The following YAF2 variants were observed in gnomAD, a reference collection of about 807,000 sequenced individuals.
YAF2 encodes the protein YY1-associated factor 2.
Under a neutral mutation model 20.1 loss-of-function variants are expected in YAF2, and 7 were observed. The ratio of observed to expected loss-of-function variants is 0.35; its 90% CI spans 0.20 to 0.65. The LOEUF is 0.65. Among genes scored for constraint, YAF2 ranks in the 30% least tolerant of loss-of-function variants. The pLI, the probability that YAF2 is intolerant of heterozygous loss-of-function variation, is 0.69. For missense variants in YAF2, 151 were observed against 219.2 expected (o/e 0.69, Z 1.96); for synonymous variants, 74 against 76.0 (o/e 0.97, Z 0.14).
chr12:42,198,249 G>A (rs1385195935), intron 2 of YAF2, among the ~76,000 whole-genome samples: 2 of 152,128 alleles, frequency 1.3e-5, no homozygotes, highest in African/African-American at 4.8e-5. Context: ...CCCTCATAGA[G>A]GATCTGCTTT....
At chr12:42,196,227 G>GA (rs34267272) in intron 2 of YAF2, among the ~76,000 whole-genome samples, 20,869 of 73,920 alleles carry the variant, frequency 0.28, 3,050 homozygotes, top group Non-Finnish European at 0.34. Flanking sequence ...AATCCATCTG[G>GA]AAAAAAAAAA....
In YAF2 at chr12:42,212,034, CAA is replaced by C. The variant is rs60172480; in HGVS notation, c.152+25563_152+25564del. 5.9e-5 allele frequency among the ~76,000 whole-genome samples: 8 copies of C among 136,260 alleles called. No homozygotes were observed. In the South Asian group the frequency reaches 1.4e-3, roughly 24 times the overall value. 89.4% of individuals were successfully genotyped at this position (136,260 alleles called of 152,430 possible). A position where few individuals can be genotyped will look rare whatever the true frequency, so the allele number is the denominator to read the frequency against. ...TGGGAGACACAGCAAGATTTCATCT[CAA>C]AAAAAAAAAAGTCTTTAACCATTTG... is the stretch of plus-strand genomic sequence containing the variant. On this transcript the variant is annotated intron_variant, in intron 2 of 3. Transcript: ENST00000534854.
intron 2 of YAF2, among the ~76,000 whole-genome samples, chr12:42,220,772 A>G (rs1379633073): frequency 6.6e-6 from 1 of 152,232 alleles, no homozygotes; most frequent in Non-Finnish European, 1.5e-5. Flanking sequence ...GAAATTGTTT[A>G]ATTCATATGT....
intron 2 of YAF2, chr12:42,198,994 T>A (rs1348857528): frequency 2.5e-6 from 1 of 407,042 alleles, no homozygotes; most frequent in Non-Finnish European, 4.3e-6. Context: ...TACAGTGCAA[T>A]TCTAAACTAG....
chr12:42,233,450 CATTG>C (rs2068041913), intron 2 of YAF2: 6 of 978,064 alleles, frequency 6.1e-6, no homozygotes, highest in East Asian at 1.1e-4. Context: ...AATCATCACA[CATTG>C]ATTATCACCC....
Position 42,165,661 on chromosome 12 carries a change from C to T in YAF2, c.153-3896G>A, listed in dbSNP as rs144498321. Among the ~76,000 whole-genome samples the T allele has an allele frequency of 7.3e-3, 1,105 of 150,400 alleles. 14 individuals are homozygous for T. Among genetic ancestry groups the T allele is most frequent in the African/African-American group, 0.025 (1,042 of 40,960 alleles). On this transcript the variant is annotated intron_variant, in intron 2 of 3. Coordinates refer to ENST00000534854, the MANE Select transcript of YAF2 (RefSeq NM_005748.6). ...TTTTATTTTTTATTTTTAATAGAGA[C>T]GGGGTTTCACTGTGTTAGCTAGGAT... is the stretch of plus-strand genomic sequence containing the variant.
chr12:42,175,187 T>C (rs1480983506), intron 2 of YAF2, among the ~76,000 whole-genome samples: 6 of 152,180 alleles, frequency 3.9e-5, no homozygotes, highest in African/African-American at 1.4e-4. Flanking sequence ...GGAATACTAC[T>C]CAGCAACACA....
At chr12:42,232,933 T>C (rs980176413) in intron 2 of YAF2, 2 of 985,308 alleles carry the variant, frequency 2.0e-6, no homozygotes, top group Non-Finnish European at 2.4e-6. Flanking sequence ...AAAGGAAAGA[T>C]CTACTAACAC....
chr12:42,179,894 C>G (rs2066299042), intron 2 of YAF2, among the ~76,000 whole-genome samples: 1 of 151,158 alleles, frequency 6.6e-6, no homozygotes, highest in South Asian at 2.1e-4. Flanking sequence ...TATGGATAGA[C>G]TGATAGTATA....
chr12:42,225,842 G>A lies in YAF2; in HGVS notation c.152+11757C>T, dbSNP rs187546351. On this transcript the variant is annotated intron_variant, in intron 2 of 3. Coordinates refer to ENST00000534854, the MANE Select transcript of YAF2 (RefSeq NM_005748.6). ...CTCCAGCTTTGTTCTTTTTCCTTAG[G>A]ACTGTTTTGGGTATACAGGCTCTTT... 1.3e-3 allele frequency among the ~76,000 whole-genome samples: 204 copies of A among 152,240 alleles called. 1 individual carries two copies. Among genetic ancestry groups the A allele is most frequent in the African/African-American group, 4.7e-3 (195 of 41,528 alleles).
At chr12:42,228,123 A>G (rs1592056372) in intron 2 of YAF2, among the ~76,000 whole-genome samples, 1 of 67,354 alleles carries the variant, frequency 1.5e-5, no homozygotes, top group Non-Finnish European at 2.7e-5. Flanking sequence ...CTGCCCGGCC[A>G]GCCGCCCCGT....
chr12:42,164,457 A>G (rs1456367268), intron 2 of YAF2, among the ~76,000 whole-genome samples: 2 of 152,158 alleles, frequency 1.3e-5, no homozygotes, highest in Non-Finnish European at 2.9e-5. Context: ...TGTGCTAAAT[A>G]TTAGAGGAAT....
intron 2 of YAF2, among the ~76,000 whole-genome samples, chr12:42,220,130 C>T (rs759739448): frequency 2.0e-4 from 30 of 152,064 alleles, no homozygotes; most frequent in Admixed American, 7.9e-4. Flanking sequence ...CCCATTCTTC[C>T]AATGAGAGAT....
At chr12:42,165,663 G>A (rs1022220474) in intron 2 of YAF2, among the ~76,000 whole-genome samples, 3 of 151,134 alleles carry the variant, frequency 2.0e-5, no homozygotes, top group Admixed American at 6.6e-5. Context: ...AATAGAGACG[G>A]GGTTTCACTG....
At chr12:42,209,185 C>T (rs1455913993) in intron 2 of YAF2, among the ~76,000 whole-genome samples, 2 of 151,784 alleles carry the variant, frequency 1.3e-5, no homozygotes, top group African/African-American at 4.8e-5. Context: ...TGCAACATAT[C>T]CTATATTATT....
intron 2 of YAF2, among the ~76,000 whole-genome samples, chr12:42,230,840 T>TAA (rs2067964919): frequency 2.0e-5 from 3 of 152,098 alleles, no homozygotes; most frequent in Admixed American, 6.5e-5. Context: ...AAAGGAGTCT[T>TAA]AGAGACATGA....
rs2067237285 is a variant in YAF2 at position 42,212,381 on chromosome 12, C to T, written c.152+25218G>A. On this transcript the variant is annotated intron_variant, in intron 2 of 3. Coordinates refer to ENST00000534854, the MANE Select transcript of YAF2 (RefSeq NM_005748.6). ...ATGACTTCTAACACTAGTAACTACA[C>T]TAGCAGGTACTAGATACAGATATAT... The T allele has an allele frequency of 1.0e-5, 4 of 389,232 alleles. No individual in the cohort carries two copies. In the Admixed American group the frequency reaches 1.4e-4, roughly 14 times the overall value. 24.1% of individuals were successfully genotyped at this position (389,232 alleles called of 1,614,324 possible).
At chr12:42,214,685 G>GT (rs2067304565) in intron 2 of YAF2, among the ~76,000 whole-genome samples, 1 of 151,454 alleles carries the variant, frequency 6.6e-6, no homozygotes, top group Non-Finnish European at 1.5e-5. Flanking sequence ...TTTTTTTTTG[G>GT]TATTTTTTTG....
At chr12:42,235,645 G>A in intron 2 of YAF2, 2 of 1,512,966 alleles carry the variant, frequency 1.3e-6, no homozygotes, top group Admixed American at 2.2e-5. Context: ...TAGATTTCTG[G>A]TGAGTTGCCC....
Sources: allele counts gnomAD v4.1 joint callset (sites outside exome capture counted in the v4.1 genomes callset), GRCh38; gene constraint gnomAD v4.1.1; transcripts MANE v1.5; gene names NCBI Gene and HGNC (gene_info 2026-07-23, HGNC 2026-07-21).